KMT2E: variants seen among roughly 807,000 people sequenced by gnomAD.
The protein encoded by KMT2E is histone reader KMT2E.
KMT2E carries 30 observed loss-of-function variants against 184.6 expected under a neutral mutation model. That is an observed-to-expected ratio of 0.16 (90% CI 0.12 to 0.22). KMT2E has a LOEUF of 0.22. Among genes scored for constraint, KMT2E ranks in the 10% least tolerant of loss-of-function variants. The pLI is 1.00. For missense variants in KMT2E, 2,023 were observed against 2,237.4 expected, an observed-to-expected ratio of 0.90 and a Z score of 1.93; for synonymous variants, 815 against 776.5, an observed-to-expected ratio of 1.05 and a Z score of -0.82.
chr7:105,092,251 A>G (rs903881523), intron 15 of KMT2E, among the ~76,000 whole-genome samples: 1 of 152,164 alleles, frequency 6.6e-6, no homozygotes, highest in African/African-American at 2.4e-5. Flanking sequence ...CCACGTCTCT[A>G]CTAAAAATAC....
intron 1 of KMT2E, among the ~76,000 whole-genome samples, chr7:105,027,431 A>T (rs1253924112): frequency 1.3e-5 from 2 of 151,808 alleles, no homozygotes; most frequent in African/African-American, 4.8e-5. Context: ...GTATCCACCA[A>T]CCTCATTCTT....
chr7:105,110,247 T>C, intron 23 of KMT2E, 33 bp from the exon 24 acceptor site: 3 of 1,557,204 alleles, frequency 1.9e-6, no homozygotes, highest in Non-Finnish European at 2.7e-6. Context: ...GTAGTTTCTT[T>C]CAATAGAGGA....
chr7:105,050,769 A>T (rs1224980196), intron 3 of KMT2E, among the ~76,000 whole-genome samples: 1 of 148,002 alleles, frequency 6.8e-6, no homozygotes, highest in Non-Finnish European at 1.5e-5. Context: ...TTGCTCTGTC[A>T]CCCAGGCTGG....
In KMT2E at chr7:105,113,374, A is replaced by T; in HGVS notation, c.*41A>T. 1 of 1,567,310 alleles carries T rather than the reference A, an allele frequency of 6.4e-7. No individual in the cohort carries two copies. Among genetic ancestry groups the T allele is most frequent in the Non-Finnish European group, 8.7e-7 (1 of 1,152,212 alleles). On this transcript the variant is annotated 3_prime_UTR_variant, in exon 27 of 27. Transcript: ENST00000311117. ...CATTTTTTTAAATGTTCTGTAAGAT[A>T]AACTGTATATTTCATATGTACCTGT...
In KMT2E at chr7:105,107,659, G is replaced by A; in HGVS notation, c.3202G>A (p.Val1068Ile). 1 of 1,614,118 alleles carries A rather than the reference G, an allele frequency of 6.2e-7. No individual in the cohort carries two copies. The highest frequency in any genetic ancestry group is 8.5e-7 in the Non-Finnish European group (1 of 1,180,026). Residue 1068 changes from valine to isoleucine, a missense_variant, in exon 22 of 27, where the codon GTA becomes ATA. This residue lies in a region of KMT2E where 1,108 missense variants were observed against 1,050.9 expected (regional missense o/e 1.05). Transcript: ENST00000311117. ...ACGGGGCACAATGTATTCTTCCTGG[G>A]TAAAGAGCCCTGACAGAACAGGAGT... ...SGRGTMYSSW[V>I]KSPDRTGVNF... is the part of the protein sequence containing the mutation.
intron 3 of KMT2E, among the ~76,000 whole-genome samples, chr7:105,050,345 T>C (rs1343475782): frequency 6.6e-6 from 1 of 152,216 alleles, no homozygotes; most frequent in Admixed American, 6.5e-5. Context: ...TTGGTCATTT[T>C]TTCCTGGCTT....
At chr7:105,107,315 C>A in intron 21 of KMT2E, 47 bp from the exon 22 acceptor site, 1 of 1,522,958 alleles carries the variant, frequency 6.6e-7, no homozygotes, top group Non-Finnish European at 8.9e-7. Context: ...ATAAACAGTC[C>A]CAAGATGTGA....
intron 3 of KMT2E, among the ~76,000 whole-genome samples, chr7:105,059,720 C>T (rs1411373760): frequency 5.3e-5 from 8 of 151,768 alleles, no homozygotes; most frequent in East Asian, 1.9e-4. Flanking sequence ...CATATATTTT[C>T]GGATTTTAAA....
intron 1 of KMT2E, among the ~76,000 whole-genome samples, chr7:105,023,724 C>T (rs549750636): frequency 6.6e-6 from 1 of 152,266 alleles, no homozygotes; most frequent in African/African-American, 2.4e-5. Context: ...GGATTACAGG[C>T]TTGAGCCACT....
chr7:105,105,896 C>T lies in KMT2E; in HGVS notation c.2489C>T (p.Ala830Val). Residue 830 changes from alanine (A) to valine (V), a missense_variant, in exon 19 of 27, where the codon GCA (alanine) becomes GTA (valine). Physicochemically the swap from Ala to Val is moderately conservative, Grantham distance 64 (BLOSUM62 0). This residue lies in a region of KMT2E where 514 missense variants were observed against 621.8 expected (regional missense o/e 0.83). Coordinates refer to ENST00000311117, the MANE Select transcript of KMT2E (RefSeq NM_182931.3). ...LKQALEEENS[A>V]ILHRFNSPCQ... Reference sequence around the variant, plus strand: ...CAAGCTCTGGAAGAAGAAAATTCAGCAATTTTACATAGATTTAATTCACCC... The same window carrying T: ...CAAGCTCTGGAAGAAGAAAATTCAGTAATTTTACATAGATTTAATTCACCC... 2.5e-6 allele frequency: 4 copies of T among 1,612,672 alleles called. No homozygotes were observed. The highest frequency in any genetic ancestry group is 2.5e-6 in the Non-Finnish European group (3 of 1,179,510).
chr7:105,089,815 A>G (rs1264156743), intron 13 of KMT2E, among the ~76,000 whole-genome samples, 194 bp from the exon 14 acceptor site: 1 of 152,110 alleles, frequency 6.6e-6, no homozygotes, highest in Non-Finnish European at 1.5e-5. Context: ...AGAAATCAAC[A>G]TCTAATTATT....
intron 3 of KMT2E, among the ~76,000 whole-genome samples, chr7:105,049,100 A>G (rs1796222237): frequency 1.3e-5 from 2 of 152,204 alleles, no homozygotes; most frequent in Admixed American, 6.5e-5. Context: ...AATATTAAGA[A>G]GAGATGAGAG....
rs898853179 is a variant in KMT2E at position 105,108,796 on chromosome 7, T to C, written c.3469-146T>C. 5 of 678,814 alleles carry C rather than the reference T, an allele frequency of 7.4e-6. No homozygotes were observed. In the Admixed American group the frequency reaches 8.9e-5, roughly 12 times the overall value. The allele number at this position is 678,814 out of a possible 1,614,324, so 42.0% of individuals were successfully genotyped here. On this transcript the variant is annotated intron_variant, in intron 22 of 26. Coordinates refer to ENST00000311117, the MANE Select transcript of KMT2E (RefSeq NM_182931.3). ...TGCCTGGAATATAGTAGGCATTTGG[T>C]AATTGTTAATTATTTGTTCAGAATC...
At chr7:105,088,908 A>G (rs143231924) in intron 13 of KMT2E, among the ~76,000 whole-genome samples, 155 of 152,360 alleles carry the variant, frequency 1.0e-3, no homozygotes, top group African/African-American at 3.6e-3. Flanking sequence ...GTAGCTTTTT[A>G]AAGAAACCCG....
intron 1 of KMT2E, 55 bp from the exon 2 acceptor site, chr7:105,038,071 T>C (rs2004499765): frequency 6.6e-6 from 1 of 152,228 alleles, no homozygotes; most frequent in African/African-American, 2.4e-5. Context: ...GAAGTAATTA[T>C]AATTTTATGC....
At chr7:105,080,317 G>C (rs1314746381) in intron 12 of KMT2E, among the ~76,000 whole-genome samples, 1 of 151,060 alleles carries the variant, frequency 6.6e-6, no homozygotes, top group Non-Finnish European at 1.5e-5. Context: ...TGTTGGTTTT[G>C]TTTTTTACAT....
intron 6 of KMT2E, among the ~76,000 whole-genome samples, chr7:105,072,556 T>TG (rs771683161): frequency 1.1e-4 from 17 of 152,154 alleles, no homozygotes; most frequent in South Asian, 2.1e-4. Context: ...GTGAAAAAGT[T>TG]GGGGGGGAAT....
chr7:105,069,149 G>A (rs946230526), intron 6 of KMT2E, among the ~76,000 whole-genome samples: 1 of 152,290 alleles, frequency 6.6e-6, no homozygotes, highest in Non-Finnish European at 1.5e-5. Flanking sequence ...TGGAGAGCTA[G>A]TCATGCCCTT....
At chr7:105,019,545 G>A (rs1206530364) in intron 1 of KMT2E, among the ~76,000 whole-genome samples, 1 of 152,108 alleles carries the variant, frequency 6.6e-6, no homozygotes, top group African/African-American at 2.4e-5. Flanking sequence ...GTCTTTTAAT[G>A]AGTAAATAAT....
Sources: allele counts gnomAD v4.1 joint callset (sites outside exome capture counted in the v4.1 genomes callset), GRCh38; gene constraint gnomAD v4.1.1; regional missense constraint gnomAD v4.1.1; transcripts MANE v1.5; gene names NCBI Gene and HGNC (gene_info 2026-07-23, HGNC 2026-07-21).